Variants in NPAS3 observed in about 807,000 individuals in gnomAD.
NPAS3 encodes neuronal PAS domain-containing protein 3.
A neutral mutation model predicts 73.1 loss-of-function variants in NPAS3; 14 were observed. The ratio of observed to expected loss-of-function variants is 0.19; its 90% CI spans 0.13 to 0.30. The LOEUF (loss-of-function observed/expected upper bound fraction) is 0.30, where lower values mean the gene tolerates loss of function less well. NPAS3 is among the 10% of genes least tolerant of loss of function. The probability of loss-of-function intolerance (pLI) is 1.00; values close to 1 mark genes in which losing one functional copy is unlikely to be tolerated. For missense variants in NPAS3, 1,096 were observed against 1,250.0 expected (o/e 0.88, Z 1.86); for synonymous variants, 620 against 541.5 (o/e 1.14, Z -2.01).
intron 7 of NPAS3, among the ~76,000 whole-genome samples, chr14:33,761,863 T>C (rs1193373819): frequency 6.6e-6 from 1 of 152,164 alleles, no homozygotes; most frequent in Non-Finnish European, 1.5e-5. Context: ...TAATTCTCCA[T>C]CCCCAACTTA....
chr14:33,342,294 T>C (rs888201836), intron 3 of NPAS3, among the ~76,000 whole-genome samples: 9 of 152,184 alleles, frequency 5.9e-5, no homozygotes, highest in African/African-American at 1.4e-4. Context: ...CCCAGGAATA[T>C]GGGAGACAAG....
intron 4 of NPAS3, among the ~76,000 whole-genome samples, chr14:33,533,034 A>C (rs1280634518): frequency 2.6e-5 from 4 of 152,158 alleles, no homozygotes; most frequent in Non-Finnish European, 5.9e-5. Flanking sequence ...TCAAGAGTTA[A>C]AGAACTAAGC....
At chr14:32,939,399 G>A (rs746539702) in intron 1 of NPAS3, 33 bp downstream of exon 1, 6 of 624,580 alleles carry the variant, frequency 9.6e-6, no homozygotes, top group African/African-American at 7.9e-5. Flanking sequence ...ACCTGCCGCC[G>A]GGCCGCTGCT....
intron 7 of NPAS3, among the ~76,000 whole-genome samples, chr14:33,763,870 T>C (rs2062376051): frequency 1.3e-5 from 2 of 151,790 alleles, no homozygotes; most frequent in African/African-American, 4.8e-5. Flanking sequence ...AAAATATATA[T>C]GACCCACGTG....
At chr14:33,394,239 T>C (rs2047127911) in intron 4 of NPAS3, among the ~76,000 whole-genome samples, 1 of 152,108 alleles carries the variant, frequency 6.6e-6, no homozygotes, top group Non-Finnish European at 1.5e-5. Context: ...TCAAAACCCA[T>C]TGGAGGTTTG....
chr14:33,252,057 C>G (rs77878033), intron 3 of NPAS3, among the ~76,000 whole-genome samples: 9 of 145,206 alleles, frequency 6.2e-5, no homozygotes, highest in African/African-American at 1.8e-4. Context: ...GTGTGTGTGT[C>G]TGTGTGTGTG....
At chr14:33,729,676 G>T (rs190780359) in intron 6 of NPAS3, among the ~76,000 whole-genome samples, 1 of 152,230 alleles carries the variant, frequency 6.6e-6, no homozygotes, top group East Asian at 1.9e-4. Flanking sequence ...TCCCAACGTG[G>T]CAACTGGTTT....
At chr14:33,480,569 C>CT (rs1555400500) in intron 4 of NPAS3, among the ~76,000 whole-genome samples, 1 of 125,446 alleles carries the variant, frequency 8.0e-6, no homozygotes, top group African/African-American at 3.4e-5. Flanking sequence ...CCCTCCCTCC[C>CT]TCCCTCTCTC....
intron 3 of NPAS3, among the ~76,000 whole-genome samples, chr14:33,242,586 G>A (rs2048246709): frequency 1.3e-5 from 2 of 152,186 alleles, no homozygotes; most frequent in South Asian, 4.2e-4. Flanking sequence ...GATTAGAGAA[G>A]GTAAGCGAGA....
chr14:33,116,396 T>C (rs1396035860), intron 2 of NPAS3, among the ~76,000 whole-genome samples: 1 of 152,146 alleles, frequency 6.6e-6, no homozygotes, highest in Non-Finnish European at 1.5e-5. Context: ...TAATTCAAAT[T>C]GGAATCAAAT....
At chr14:33,388,194 G>T (rs1189466694) in intron 4 of NPAS3, among the ~76,000 whole-genome samples, 1 of 152,220 alleles carries the variant, frequency 6.6e-6, no homozygotes, top group African/African-American at 2.4e-5. Flanking sequence ...CTGTAGAAAA[G>T]TTGGCATTGG....
intron 2 of NPAS3, among the ~76,000 whole-genome samples, chr14:33,062,085 G>A (rs1455855878): frequency 2.6e-5 from 4 of 152,122 alleles, no homozygotes; most frequent in Non-Finnish European, 4.4e-5. Flanking sequence ...AGATCCCAGA[G>A]GACTGCCATC....
At chr14:33,609,180 C>CT (rs1435324706) in intron 5 of NPAS3, among the ~76,000 whole-genome samples, 1 of 152,208 alleles carries the variant, frequency 6.6e-6, no homozygotes, top group African/African-American at 2.4e-5. Context: ...AAAAAATGTG[C>CT]TTTTTCTGTC....
At chr14:33,801,860 G>C (rs2063722516), downstream of NPAS3, 1 of 151,420 alleles carries the variant, frequency 6.6e-6, no homozygotes, top group Admixed American at 6.6e-5. Context: ...TGGGTTTTGG[G>C]GGAAAAAAAA....
chr14:33,259,685 G>C (rs2048900473), intron 3 of NPAS3, among the ~76,000 whole-genome samples: 1 of 152,184 alleles, frequency 6.6e-6, no homozygotes, highest in African/African-American at 2.4e-5. Flanking sequence ...GACTCAAACT[G>C]TAAAGTGGGG....
At position 33,602,855 on chromosome 14, in the gene NPAS3, C is replaced by A. The variant is rs77579078; in HGVS notation, c.558+42645C>A. Among the ~76,000 whole-genome samples, 1,393 of 152,206 alleles carry A rather than the reference C, an allele frequency of 9.2e-3. 21 individuals are homozygous for A. Among genetic ancestry groups the A allele is most frequent in the African/African-American group, 0.032 (1,312 of 41,520 alleles). On this transcript the variant is annotated intron_variant, in intron 5 of 11. Coordinates refer to ENST00000356141, the Ensembl canonical transcript of NPAS3. ...TGAGCGCTGTTTCAGTCCCACCTTA[C>A]AAATCTGTAGGGTGGGACCCAAAAG...
At chr14:33,146,430 A>T (rs540586027) in intron 2 of NPAS3, among the ~76,000 whole-genome samples, 1 of 152,316 alleles carries the variant, frequency 6.6e-6, no homozygotes, top group African/African-American at 2.4e-5. Flanking sequence ...ACAATCCCTT[A>T]GGCCTAGGAT....
At chr14:33,403,754 C>A (rs3742931) in intron 4 of NPAS3, among the ~76,000 whole-genome samples, 10,671 of 152,102 alleles carry the variant, frequency 0.07, 434 homozygotes, top group South Asian at 0.14. Flanking sequence ...CATGAATGAA[C>A]TATTATTGTG....
chr14:33,563,505 G>A (rs928553130), intron 5 of NPAS3, among the ~76,000 whole-genome samples: 3 of 54,532 alleles, frequency 5.5e-5, no homozygotes, highest in Non-Finnish European at 3.7e-5. Context: ...GACTTTGCCA[G>A]ATACACATAC....
Sources: allele counts gnomAD v4.1 joint callset (sites outside exome capture counted in the v4.1 genomes callset), GRCh38; gene constraint gnomAD v4.1.1; transcripts MANE v1.5; gene names NCBI Gene and HGNC (gene_info 2026-07-23, HGNC 2026-07-21).